PPP1R21: variants seen among roughly 807,000 people sequenced by gnomAD.
PPP1R21 encodes protein phosphatase 1 regulatory subunit 21, also known as KLRAQ motif containing 1.
A neutral mutation model predicts 112.8 loss-of-function variants in PPP1R21; 85 were observed. The ratio of observed to expected loss-of-function variants is 0.75; its 90% CI spans 0.63 to 0.90. PPP1R21 has a LOEUF of 0.90. PPP1R21 is among the 40% of genes least tolerant of loss of function. The pLI, the probability that PPP1R21 is intolerant of heterozygous loss-of-function variation, is 0.00. For synonymous variants in PPP1R21, 381 were observed against 322.3 expected (o/e 1.18, Z -1.95); for missense variants, 1,199 against 901.5 (o/e 1.33, Z -4.23).
intron 14 of PPP1R21, among the ~76,000 whole-genome samples, chr2:48,488,960 A>T (rs1362291224): frequency 6.6e-6 from 1 of 152,222 alleles, no homozygotes; most frequent in African/African-American, 2.4e-5. Context: ...GTGTGAATCC[A>T]TGTCATTCAC....
intron 21 of PPP1R21, among the ~76,000 whole-genome samples, chr2:48,512,394 T>C (rs1224484671): frequency 6.8e-6 from 1 of 147,480 alleles, no homozygotes; most frequent in African/African-American, 2.7e-5. Flanking sequence ...TCCATTTTCA[T>C]AACTCAGTAT....
At chr2:48,493,684 AT>A (rs1287454322) in intron 15 of PPP1R21, among the ~76,000 whole-genome samples, 4 of 151,974 alleles carry the variant, frequency 2.6e-5, no homozygotes, top group East Asian at 1.9e-4. Context: ...CTAAATAATT[AT>A]TTTTTTTCAA....
intron 3 of PPP1R21, among the ~76,000 whole-genome samples, chr2:48,457,744 G>A (rs902128545): frequency 6.6e-6 from 1 of 152,236 alleles, no homozygotes; most frequent in African/African-American, 2.4e-5. Flanking sequence ...TCCGACTCAT[G>A]AAATTGCTAT....
At chr2:48,495,330 A>C (rs754579664) in intron 15 of PPP1R21, among the ~76,000 whole-genome samples, 12 of 151,902 alleles carry the variant, frequency 7.9e-5, no homozygotes, top group Non-Finnish European at 1.6e-4. Context: ...CAGCTTCCCT[A>C]GTAGCTGGGA....
chr2:48,508,289 A>C (rs953187243), intron 19 of PPP1R21, among the ~76,000 whole-genome samples: 1 of 152,206 alleles, frequency 6.6e-6, no homozygotes, highest in Non-Finnish European at 1.5e-5. Flanking sequence ...TATGGATGGC[A>C]GATAGATGAT....
At chr2:48,460,891 G>C (rs1667947338) in intron 6 of PPP1R21, among the ~76,000 whole-genome samples, 1 of 152,200 alleles carries the variant, frequency 6.6e-6, no homozygotes, top group Non-Finnish European at 1.5e-5. Flanking sequence ...TGTAAGGTTG[G>C]CTAAGACACT....
intron 21 of PPP1R21, among the ~76,000 whole-genome samples, chr2:48,511,777 G>A (rs942174322): frequency 5.3e-5 from 8 of 151,962 alleles, no homozygotes; most frequent in Non-Finnish European, 1.2e-4. Flanking sequence ...AGGCTGAGGT[G>A]GGAAGATTGC....
intron 18 of PPP1R21, among the ~76,000 whole-genome samples, 151 bp downstream of exon 18, chr2:48,505,747 G>A (rs113235817): frequency 6.6e-6 from 1 of 152,268 alleles, no homozygotes; most frequent in Non-Finnish European, 1.5e-5. Context: ...TTCCACCTTC[G>A]TGTATGGATC....
intron 9 of PPP1R21, among the ~76,000 whole-genome samples, chr2:48,469,452 CAT>C (rs571148892): frequency 0.071 from 2,445 of 34,622 alleles, 493 homozygotes; most frequent in Non-Finnish European, 0.097. Context: ...ATAGAGAGAG[CAT>C]ATATATATAT....
intron 7 of PPP1R21, among the ~76,000 whole-genome samples, chr2:48,464,670 A>C (rs1336999450): frequency 6.6e-6 from 1 of 152,208 alleles, no homozygotes; most frequent in Non-Finnish European, 1.5e-5. Context: ...GATAAGCCTG[A>C]AAGCAGTATT....
rs113010753 is a variant in PPP1R21 at position 48,445,995 on chromosome 2, A to C, written c.57+4985A>C. On this transcript the variant is annotated intron_variant, in intron 1 of 21. Coordinates refer to ENST00000294952, the MANE Select transcript of PPP1R21 (RefSeq NM_001135629.3). Reference sequence around the variant, plus strand: ...CTTCAGTATTCTGAAGCTTTGAATCAGGGTTTTGGTGTGGCATAGGGTTGT... The same window carrying C: ...CTTCAGTATTCTGAAGCTTTGAATCCGGGTTTTGGTGTGGCATAGGGTTGT... Among the ~76,000 whole-genome samples, 510 of 152,312 alleles carry C rather than the reference A, an allele frequency of 3.3e-3. 5 individuals are homozygous for C. Among genetic ancestry groups the C allele is most frequent in the African/African-American group, 0.012 (482 of 41,572 alleles).
intron 13 of PPP1R21, among the ~76,000 whole-genome samples, chr2:48,481,286 G>T (rs1669000477): frequency 6.6e-6 from 1 of 152,198 alleles, no homozygotes; most frequent in Admixed American, 6.5e-5. Context: ...ACTGGGCCTG[G>T]CCCCAATTAT....
At chr2:48,495,913 G>C (rs1380288117) in intron 16 of PPP1R21, 142 bp downstream of exon 16, 1 of 554,040 alleles carries the variant, frequency 1.8e-6, no homozygotes, top group Non-Finnish European at 3.2e-6. Flanking sequence ...ATACTAAAAA[G>C]CAAATAGACA....
intron 14 of PPP1R21, among the ~76,000 whole-genome samples, chr2:48,490,371 T>G (rs1260071884): frequency 5.9e-5 from 9 of 152,188 alleles, no homozygotes; most frequent in African/African-American, 2.2e-4. Flanking sequence ...TTTAAAGTAC[T>G]TGTTGAGATA....
At chr2:48,492,355 T>G (rs535046490) in intron 15 of PPP1R21, among the ~76,000 whole-genome samples, 1 of 152,290 alleles carries the variant, frequency 6.6e-6, no homozygotes, top group Non-Finnish European at 1.5e-5. Context: ...TTTCTTGTCC[T>G]TTTTTCTTCC....
At chr2:48,478,051 A>G (rs748495659) in intron 12 of PPP1R21, among the ~76,000 whole-genome samples, 1 of 152,240 alleles carries the variant, frequency 6.6e-6, no homozygotes, top group Non-Finnish European at 1.5e-5. Flanking sequence ...GGAAGGCCAT[A>G]TGAAGACAGA....
intron 9 of PPP1R21, among the ~76,000 whole-genome samples, chr2:48,467,678 C>T (rs1668266141): frequency 6.6e-6 from 1 of 152,222 alleles, no homozygotes; most frequent in African/African-American, 2.4e-5. Flanking sequence ...AGGTGGAAGC[C>T]ACAGTGCCTT....
Position 48,464,894 on chromosome 2 carries a change from A to G in PPP1R21, c.695-43A>G, listed in dbSNP as rs1668130886. The stretch of plus-strand genomic sequence containing the variant: ...TTGCATTTAAGTTATTTTCCAGTAT[A>G]TGTGAAATGAGAGACTTAATGTACA... On this transcript the variant is annotated intron_variant, in intron 7 of 21. Transcript: ENST00000294952. The G allele has an allele frequency of 4.8e-6, 7 of 1,452,118 alleles. No homozygotes were observed. The South Asian group carries it at 7.4e-5, about 15-fold the overall frequency. 90.0% of individuals were successfully genotyped at this position (1,452,118 alleles called of 1,614,324 possible). A position where few individuals can be genotyped will look rare whatever the true frequency, so the allele number is the denominator to read the frequency against.
rs1668164061 is a variant in PPP1R21 at position 48,465,574 on chromosome 2, A to G, written c.829A>G (p.Thr277Ala). ...VTALLNFHTYTEQRIQIFPVD... is the reference protein window; with the variant it reads ...VTALLNFHTYAEQRIQIFPVD... Reference sequence around the variant, plus strand: ...GGCTCTTCTAAACTTTCATACCTACACAGAACAGAGGATTCAAATTTTTCC... The same window carrying G: ...GGCTCTTCTAAACTTTCATACCTACGCAGAACAGAGGATTCAAATTTTTCC... The change falls in exon 9 of 22, where the codon ACA becomes GCA. Residue 277 changes from threonine to alanine, a missense_variant. Transcript: ENST00000294952. 1.2e-6 allele frequency: 2 copies of G among 1,614,010 alleles called. No individual in the cohort carries two copies. Among genetic ancestry groups the G allele is most frequent in the South Asian group, 1.1e-5 (1 of 91,062 alleles).
Sources: gnomAD v4.1 joint callset for allele counts (sites outside exome capture counted in the v4.1 genomes callset) on GRCh38, gnomAD v4.1.1 for gene constraint, MANE v1.5 for transcripts, NCBI Gene and HGNC (gene_info 2026-07-23, HGNC 2026-07-21) for gene names.